Variants in AFG1L observed in about 807,000 individuals in gnomAD.
AFG1L encodes AFG1 like ATPase.
AFG1L carries 53 observed loss-of-function variants against 62.2 expected under a neutral mutation model. That is an observed-to-expected ratio of 0.85 (90% CI 0.68 to 1.07). The LOEUF (loss-of-function observed/expected upper bound fraction) is 1.07, where lower values mean the gene tolerates loss of function less well. Ranked by LOEUF, AFG1L falls within the 50% of genes least tolerant of loss-of-function variation. The pLI is 0.00. For missense variants in AFG1L, 555 were observed against 590.5 expected (o/e 0.94, Z 0.62); for synonymous variants, 228 against 210.3 (o/e 1.08, Z -0.73).
At position 108,445,229 on chromosome 6, in the gene AFG1L, G is replaced by A. The variant is rs540040269; in HGVS notation, c.808-1985G>A. On this transcript the variant is annotated intron_variant, in intron 7 of 12. Transcript: ENST00000368977. ...CACCTCTCTCAACCTTCATAGAATT[G>A]AAGGGAGTTAGGGCCTTTCTCTGGA... Among the ~76,000 whole-genome samples, 42 of 152,282 alleles carry A rather than the reference G, an allele frequency of 2.8e-4. No homozygotes were observed. In the South Asian group the frequency reaches 8.5e-3, roughly 31 times the overall value.
chr6:108,335,131 T>C (rs1228946522), intron 2 of AFG1L, among the ~76,000 whole-genome samples: 5 of 152,022 alleles, frequency 3.3e-5, no homozygotes, highest in Non-Finnish European at 7.4e-5. Flanking sequence ...GCAGCTGGGA[T>C]TATAGGCGTT....
At chr6:108,302,925 C>T (rs1409978913) in intron 1 of AFG1L, among the ~76,000 whole-genome samples, 1 of 151,256 alleles carries the variant, frequency 6.6e-6, no homozygotes, top group African/African-American at 2.4e-5. Context: ...TAAAAGCTGT[C>T]AATAGCTCAA....
chr6:108,416,584 C>A (rs1770293117), intron 7 of AFG1L, among the ~76,000 whole-genome samples: 1 of 152,134 alleles, frequency 6.6e-6, no homozygotes, highest in South Asian at 2.1e-4. Context: ...CCATGGAATA[C>A]TATGCAGCCA....
chr6:108,443,929 A>AT (rs551262608), intron 7 of AFG1L, among the ~76,000 whole-genome samples: 83 of 152,168 alleles, frequency 5.5e-4, no homozygotes, highest in African/African-American at 1.9e-3. Context: ...GTTAAAATAT[A>AT]TTTTTCCCAT....
chr6:108,466,773 TA>T (rs1012831610), intron 8 of AFG1L, among the ~76,000 whole-genome samples: 224 of 148,000 alleles, frequency 1.5e-3, no homozygotes, highest in African/African-American at 5.1e-3. Flanking sequence ...ATATATATTT[TA>T]AAAAATATAT....
chr6:108,401,217 A>G (rs1312833716), intron 6 of AFG1L, among the ~76,000 whole-genome samples: 1 of 144,212 alleles, frequency 6.9e-6, no homozygotes, highest in East Asian at 2.0e-4. Flanking sequence ...ATCTCGGCTC[A>G]CTGCAAGCTC....
chr6:108,356,565 T>C (rs1779296006), intron 4 of AFG1L, 125 bp from the exon 5 acceptor site: 1 of 559,134 alleles, frequency 1.8e-6, no homozygotes, highest in South Asian at 4.6e-5. Flanking sequence ...AAATTTGATT[T>C]TACATGGAGT....
intron 8 of AFG1L, among the ~76,000 whole-genome samples, chr6:108,466,284 A>G (rs927340489): frequency 2.0e-5 from 3 of 152,158 alleles, no homozygotes; most frequent in African/African-American, 7.2e-5. Flanking sequence ...ATATGCAGCA[A>G]TTCTAGCCAT....
intron 8 of AFG1L, among the ~76,000 whole-genome samples, chr6:108,452,053 C>G (rs1438483996): frequency 2.0e-5 from 3 of 152,180 alleles, no homozygotes; most frequent in African/African-American, 7.2e-5. Flanking sequence ...GAATAGCACT[C>G]AACAAGGTCC....
chr6:108,397,749 A>G (rs1781385357), intron 6 of AFG1L, among the ~76,000 whole-genome samples: 1 of 152,096 alleles, frequency 6.6e-6, no homozygotes, highest in South Asian at 2.1e-4. Context: ...CACTTAACCC[A>G]ATGACCTCCA....
chr6:108,506,996 G>A (rs957159813), intron 10 of AFG1L, among the ~76,000 whole-genome samples: 2 of 151,896 alleles, frequency 1.3e-5, no homozygotes, highest in Admixed American at 6.6e-5. Context: ...TTTTAAATTA[G>A]TCCTATTCTT....
At chr6:108,429,063 A>G (rs755698494) in intron 7 of AFG1L, among the ~76,000 whole-genome samples, 1 of 152,190 alleles carries the variant, frequency 6.6e-6, no homozygotes, top group Middle Eastern at 3.2e-3. Context: ...TTAAGTTTTC[A>G]AACCATCTTG....
intron 10 of AFG1L, among the ~76,000 whole-genome samples, chr6:108,484,785 T>A (rs889072565): frequency 6.6e-6 from 1 of 152,222 alleles, no homozygotes; most frequent in African/African-American, 2.4e-5. Context: ...TATATGAATT[T>A]ATTTTGTTCT....
intron 1 of AFG1L, among the ~76,000 whole-genome samples, chr6:108,300,637 T>C (rs1428757054): frequency 6.6e-6 from 1 of 152,186 alleles, no homozygotes; most frequent in Non-Finnish European, 1.5e-5. Flanking sequence ...TTACTGTCTG[T>C]TTCCCTTAAT....
intron 7 of AFG1L, among the ~76,000 whole-genome samples, chr6:108,415,351 G>A (rs1257020321): frequency 8.3e-6 from 1 of 120,064 alleles, no homozygotes; most frequent in Non-Finnish European, 1.6e-5. Flanking sequence ...TACTGCCCAA[G>A]GTAATTTATA....
intron 7 of AFG1L, among the ~76,000 whole-genome samples, chr6:108,438,182 T>C (rs1437122352): frequency 6.6e-6 from 1 of 152,200 alleles, no homozygotes; most frequent in Non-Finnish European, 1.5e-5. Flanking sequence ...TATTGGTGAT[T>C]GTATTGGTTT....
intron 3 of AFG1L, among the ~76,000 whole-genome samples, chr6:108,350,018 T>G (rs550018238): frequency 6.6e-6 from 1 of 152,006 alleles, no homozygotes; most frequent in South Asian, 2.1e-4. Flanking sequence ...AGGTCAGGAT[T>G]TCAGACCAGC....
intron 8 of AFG1L, among the ~76,000 whole-genome samples, chr6:108,459,005 C>T (rs757625760): frequency 2.6e-5 from 4 of 152,122 alleles, no homozygotes; most frequent in African/African-American, 7.2e-5. Context: ...AAGCAATACC[C>T]TTCTGAGAAT....
chr6:108,467,840 C>A (rs1044675664), intron 8 of AFG1L, among the ~76,000 whole-genome samples: 27 of 152,124 alleles, frequency 1.8e-4, no homozygotes, highest in Non-Finnish European at 2.9e-5. Flanking sequence ...CTTATGGTTT[C>A]AGGATATTTT....
Sources: gnomAD v4.1 joint callset for allele counts (sites outside exome capture counted in the v4.1 genomes callset) on GRCh38, gnomAD v4.1.1 for gene constraint, MANE v1.5 for transcripts, NCBI Gene and HGNC (gene_info 2026-07-23, HGNC 2026-07-21) for gene names.